The following P3H2 variants were observed in gnomAD, a reference collection of about 807,000 sequenced individuals.
P3H2 encodes prolyl 3-hydroxylase 2.
P3H2 carries 80 observed loss-of-function variants against 87.0 expected under a neutral mutation model. The ratio of observed to expected loss-of-function variants is 0.92; its 90% CI spans 0.77 to 1.11. P3H2 has a LOEUF of 1.11. P3H2 is among the 50% of genes least tolerant of loss of function. P3H2 has a pLI of 0.00. For synonymous variants in P3H2, 367 were observed against 359.3 expected, an observed-to-expected ratio of 1.02 and a Z score of -0.24; for missense variants, 1,001 against 923.9, an observed-to-expected ratio of 1.08 and a Z score of -1.08.
chr3:190,117,035 C>G (rs901830322), intron 1 of P3H2, among the ~76,000 whole-genome samples: 1 of 152,202 alleles, frequency 6.6e-6, no homozygotes, highest in African/African-American at 2.4e-5. Context: ...GCAGCATTCT[C>G]TGGGACCTGA....
chr3:190,000,426 C>A (rs143490346), intron 1 of P3H2, among the ~76,000 whole-genome samples: 235 of 152,284 alleles, frequency 1.5e-3, no homozygotes, highest in African/African-American at 5.6e-3. Context: ...CTTTCTATAA[C>A]AAATGTTGAC....
At chr3:190,019,788 ATATATATATAT>A (rs1724882022) in intron 1 of P3H2, among the ~76,000 whole-genome samples, 2 of 33,176 alleles carry the variant, frequency 6.0e-5, no homozygotes, top group African/African-American at 1.3e-4. Context: ...ATTAAAAAAT[ATATATATATAT>A]ATATATATAT....
chr3:190,080,825 A>G (rs1433414518), intron 1 of P3H2, among the ~76,000 whole-genome samples: 2 of 152,246 alleles, frequency 1.3e-5, no homozygotes, highest in Admixed American at 1.3e-4. Flanking sequence ...GACATGAAAG[A>G]GAATGAAATA....
chr3:190,055,124 G>A (rs1726109336), intron 1 of P3H2, among the ~76,000 whole-genome samples: 1 of 152,178 alleles, frequency 6.6e-6, no homozygotes, highest in Admixed American at 6.5e-5. Context: ...ACAGGAAAGT[G>A]TAACATGGGC....
chr3:190,027,747 C>A (rs1279813483), intron 1 of P3H2, among the ~76,000 whole-genome samples: 1 of 150,524 alleles, frequency 6.6e-6, no homozygotes, highest in Non-Finnish European at 1.5e-5. Context: ...ATATTATTTT[C>A]TATCACTCAC....
At chr3:190,058,715 T>A (rs1726244013) in intron 1 of P3H2, among the ~76,000 whole-genome samples, 2 of 152,134 alleles carry the variant, frequency 1.3e-5, no homozygotes, top group Non-Finnish European at 2.9e-5. Flanking sequence ...TCAGCAAAAT[T>A]CAACCTTCAT....
chr3:190,093,511 T>C (rs1323004714), intron 1 of P3H2, among the ~76,000 whole-genome samples: 1 of 152,116 alleles, frequency 6.6e-6, no homozygotes, highest in Non-Finnish European at 1.5e-5. Flanking sequence ...GGAAAATTAT[T>C]AAGGCAGTGT....
At chr3:190,070,745 T>C (rs1378929404) in intron 1 of P3H2, among the ~76,000 whole-genome samples, 1 of 152,228 alleles carries the variant, frequency 6.6e-6, no homozygotes, top group Non-Finnish European at 1.5e-5. Flanking sequence ...ACACATTGTC[T>C]GCCTGAAACG....
At chr3:190,098,885 G>A (rs1711520315) in intron 1 of P3H2, among the ~76,000 whole-genome samples, 1 of 151,998 alleles carries the variant, frequency 6.6e-6, no homozygotes, top group Non-Finnish European at 1.5e-5. Flanking sequence ...CTCTTCATTG[G>A]ATTCTTCCAG....
chr3:190,102,445 A>T (rs1424641234), intron 1 of P3H2, among the ~76,000 whole-genome samples: 40 of 152,238 alleles, frequency 2.6e-4, no homozygotes, highest in Admixed American at 2.6e-3. Flanking sequence ...ACTCTCATGG[A>T]TGATTTCGAG....
chr3:190,010,463 C>A (rs1724550488), intron 1 of P3H2, among the ~76,000 whole-genome samples: 2 of 152,130 alleles, frequency 1.3e-5, no homozygotes, highest in Non-Finnish European at 2.9e-5. Context: ...GGCCCTAATC[C>A]AATCTGGTGG....
Position 190,086,083 on chromosome 3 carries a change from A to AC in P3H2, c.480+34168dup, listed in dbSNP as rs543300082. Among the ~76,000 whole-genome samples, 342 of 152,234 alleles carry AC rather than the reference A, an allele frequency of 2.2e-3. 1 individual carries two copies. The highest frequency in any genetic ancestry group is 7.6e-3 in the African/African-American group (316 of 41,532). ...ACTTTGCTTGATGGTATCATTAGCTACCCCATGACCCAAGCAACAAATGTT... is the reference window on the plus strand; with the variant it reads ...ACTTTGCTTGATGGTATCATTAGCTACCCCCATGACCCAAGCAACAAATGTT... On this transcript the variant is annotated intron_variant, in intron 1 of 14. Coordinates refer to ENST00000319332, the MANE Select transcript of P3H2 (RefSeq NM_018192.4).
chr3:189,969,276 GGT>G, intron 13 of P3H2: 1 of 872,462 alleles, frequency 1.1e-6, no homozygotes, highest in South Asian at 1.3e-5. Context: ...CTGGAACTGT[GGT>G]CATGTTGATA....
intron 13 of P3H2, among the ~76,000 whole-genome samples, chr3:189,965,190 C>T (rs1722936239): frequency 6.6e-6 from 1 of 152,192 alleles, no homozygotes. Context: ...ATAAAATGAG[C>T]TGGCTGGTTT....
In P3H2 at chr3:189,964,076, C is replaced by A. The variant is rs1203610419; in HGVS notation, c.1916G>T (p.Gly639Val). 5 of 1,614,004 alleles carry A rather than the reference C, an allele frequency of 3.1e-6. No individual in the cohort carries two copies. Among genetic ancestry groups the A allele is most frequent in the Non-Finnish European group, 4.2e-6 (5 of 1,180,034 alleles). ...TCCAGATGAGAAGCTGATCATGCGC[C>A]CACATTTTGGTTTTATAGAGGCCTG... ...TVTASIKPKC[G>V]RMISFSSGGE... The change falls in exon 14 of 15, where the codon GGG becomes GTG. Residue 639 changes from glycine (G) to valine (V), a missense_variant. Transcript: ENST00000319332.
At chr3:190,073,488 G>A (rs1726771900) in intron 1 of P3H2, among the ~76,000 whole-genome samples, 1 of 152,134 alleles carries the variant, frequency 6.6e-6, no homozygotes, top group Admixed American at 6.5e-5. Context: ...GCATGCTTGA[G>A]CATAGATGGT....
chr3:190,031,239 CA>C (rs1725241502), intron 1 of P3H2, among the ~76,000 whole-genome samples: 1 of 151,704 alleles, frequency 6.6e-6, no homozygotes, highest in African/African-American at 2.4e-5. Context: ...AAGATATAAC[CA>C]AAAAATGTCA....
chr3:189,997,178 T>C (rs537541987), intron 1 of P3H2, among the ~76,000 whole-genome samples: 37 of 152,258 alleles, frequency 2.4e-4, no homozygotes, highest in South Asian at 2.1e-4. Context: ...CACACCACCA[T>C]GCCCGGCTAA....
rs562723759 is a variant in P3H2 at position 190,031,298 on chromosome 3, C to A, written c.481-35856G>T. Among the ~76,000 whole-genome samples the A allele has an allele frequency of 1.1e-4, 16 of 152,062 alleles. No homozygotes were observed. In the South Asian group the frequency reaches 2.9e-3, roughly 28 times the overall value. The stretch of plus-strand genomic sequence containing the variant: ...TGAAGAAAAATAAGACCAAAATAAA[C>A]CCTTGTGTACATAAAATTACATTAT... On this transcript the variant is annotated intron_variant, in intron 1 of 14. Transcript: ENST00000319332.
Sources: gnomAD v4.1 joint callset for allele counts (sites outside exome capture counted in the v4.1 genomes callset) on GRCh38, gnomAD v4.1.1 for gene constraint, MANE v1.5 for transcripts, NCBI Gene and HGNC (gene_info 2026-07-23, HGNC 2026-07-21) for gene names.